ATP5F1E: variants seen among roughly 807,000 people sequenced by gnomAD.
ATP5F1E encodes ATP synthase F(1) complex subunit epsilon, mitochondrial.
ATP5F1E carries 5 observed loss-of-function variants against 7.0 expected under a neutral mutation model. The ratio of observed to expected loss-of-function variants is 0.71; its 90% CI spans 0.37 to 1.49. The LOEUF is 1.49. ATP5F1E is among the 40% of genes most tolerant of loss of function. ATP5F1E has a pLI of 0.03. For missense variants in ATP5F1E, 59 were observed against 57.1 expected (o/e 1.03, Z -0.11); for synonymous variants, 20 against 20.1 (o/e 0.99, Z 0.02).
chr20:59,030,376 G>A lies in ATP5F1E; in HGVS notation c.86C>T (p.Thr29Ile). 6.2e-7 allele frequency: 1 copy of A among 1,613,872 alleles called. No individual in the cohort carries two copies. The highest frequency in any genetic ancestry group is 8.5e-7 in the Non-Finnish European group (1 of 1,179,890). The stretch of plus-strand genomic sequence containing the variant: ...CTTCTCAGCATTTGCTTTGAATTCT[G>A]TCTTCAGTGCATCTCTCACTGCTTT... ...CAKAVRDALK[T>I]EFKANAEKTS... The change falls in exon 2 of 3, where the codon ACA (threonine) becomes ATA (isoleucine). Residue 29 changes from threonine (T) to isoleucine (I), a missense_variant. Thr to Ile is a moderately conservative substitution (Grantham distance 89). Transcript: ENST00000243997.
chr20:59,030,151 C>T, intron 2 of ATP5F1E, 152 bp downstream of exon 2: 2 of 1,006,996 alleles, frequency 2.0e-6, no homozygotes. Context: ...ACTTCTATAA[C>T]CTGCATGCTT....
intron 1 of ATP5F1E, among the ~76,000 whole-genome samples, chr20:59,031,395 C>T (rs1014632124): frequency 6.6e-6 from 1 of 152,230 alleles, no homozygotes; most frequent in African/African-American, 2.4e-5. Flanking sequence ...GACTATCATC[C>T]TTCCATCCTT....
At chr20:59,030,005 T>C in intron 2 of ATP5F1E, 1 of 353,694 alleles carries the variant, frequency 2.8e-6, no homozygotes, top group East Asian at 7.3e-5. Flanking sequence ...ATTTGATTTG[T>C]GCAGACAAAT....
chr20:59,030,138 G>T, intron 2 of ATP5F1E, 165 bp downstream of exon 2: 1 of 797,456 alleles, frequency 1.3e-6, no homozygotes, highest in Non-Finnish European at 1.9e-6. Context: ...ATTAGGCCAG[G>T]GGACTTCTAT....
chr20:59,030,396 T>G lies in ATP5F1E; in HGVS notation c.66A>C (p.Ala22=), dbSNP rs200516939. 25 of 1,613,942 alleles carry G rather than the reference T, an allele frequency of 1.5e-5. No individual in the cohort carries two copies. In the East Asian group the frequency reaches 2.9e-4, roughly 19 times the overall value. The change falls in exon 2 of 3, where the codon GCA becomes GCC. Residue 22 remains alanine (A), a synonymous_variant. Transcript: ENST00000243997. ...YIRYSQICAK[A]VRDALKTEFK... Reference sequence around the variant, plus strand: ...ATTCTGTCTTCAGTGCATCTCTCACTGCTTTTGCACAGATCTGGGAGTATC... The same window carrying G: ...ATTCTGTCTTCAGTGCATCTCTCACGGCTTTTGCACAGATCTGGGAGTATC...
In ATP5F1E at chr20:59,032,316, G is replaced by A. The variant is rs1380756867; in HGVS notation, c.-65C>T. On this transcript the variant is annotated 5_prime_UTR_variant, in exon 1 of 3. Transcript: ENST00000243997. ...GACGCCGGCAATGTCGGCTCAGCCG[G>A]GCGGTTCAGCCGCAGGAAGATCAGA... The A allele has an allele frequency of 3.8e-6, 6 of 1,564,910 alleles. No individual in the cohort carries two copies. Among genetic ancestry groups the A allele is most frequent in the Admixed American group, 3.8e-5 (2 of 52,662 alleles).
At position 59,030,319 on chromosome 20, in the gene ATP5F1E, A is replaced by ACTTACAGATTATTCCTTTATTATT. The variant is rs1337330706; in HGVS notation, c.142_143insAATAATAAAGGAATAATCTGTAAG (p.Lys47_Val48insGluTer). Reference sequence around the variant, plus strand: ...ATAACTTACAGATTATTCCTTCTTTACTTTCACAATTTTTACGTTGCTGCC... The same window carrying ACTTACAGATTATTCCTTTATTATT: ...ATAACTTACAGATTATTCCTTCTTTACTTACAGATTATTCCTTTATTATTCTTTCACAATTTTTACGTTGCTGCC... On this transcript the variant is annotated stop_gained, in exon 2 of 3. Transcript: ENST00000243997. LOFTEE classifies it high-confidence loss of function. 6.2e-7 allele frequency: 1 copy of ACTTACAGATTATTCCTTTATTATT among 1,613,740 alleles called. No individual in the cohort carries two copies. The highest frequency in any genetic ancestry group is 2.2e-5 in the East Asian group (1 of 44,816).
intron 2 of ATP5F1E, chr20:59,029,263 T>C (rs2092010562): frequency 6.6e-6 from 1 of 152,210 alleles, no homozygotes; most frequent in Non-Finnish European, 1.5e-5. Context: ...AATGATTTTC[T>C]GTTAGCTTAC....
rs1301912249 is a variant in ATP5F1E at position 59,032,307 on chromosome 20, G to C, written c.-56C>G. 2 of 1,572,294 alleles carry C rather than the reference G, an allele frequency of 1.3e-6. No homozygotes were observed. Among genetic ancestry groups the C allele is most frequent in the African/African-American group, 1.3e-5 (1 of 74,314 alleles). ...AATCGCCAAGACGCCGGCAATGTCG[G>C]CTCAGCCGGGCGGTTCAGCCGCAGG... On this transcript the variant is annotated 5_prime_UTR_variant, in exon 1 of 3. Coordinates refer to ENST00000243997, the MANE Select transcript of ATP5F1E (RefSeq NM_006886.4).
chr20:59,030,514 T>C (rs2092020545), intron 1 of ATP5F1E, 85 bp from the exon 2 acceptor site: 1 of 1,549,774 alleles, frequency 6.5e-7, no homozygotes, highest in Non-Finnish European at 8.9e-7. Flanking sequence ...TTTCTTCCTG[T>C]ACTTTTTATT....
chr20:59,030,317 T>C lies in ATP5F1E; in HGVS notation c.145A>G (p.Lys49Glu), dbSNP rs1488251867. Reference protein sequence around the residue: ...SGSNVKIVKVKKE With the variant: ...SGSNVKIVKVEKE Reference sequence around the variant, plus strand: ...CCATAACTTACAGATTATTCCTTCTTTACTTTCACAATTTTTACGTTGCTG... The same window carrying C: ...CCATAACTTACAGATTATTCCTTCTCTACTTTCACAATTTTTACGTTGCTG... The change falls in exon 2 of 3, where the codon AAG becomes GAG. Residue 49 changes from lysine (K) to glutamate (E), a missense_variant. Transcript: ENST00000243997. The C allele has an allele frequency of 6.2e-7, 1 of 1,613,802 alleles. No individual in the cohort carries two copies. The highest frequency in any genetic ancestry group is 2.2e-5 in the East Asian group (1 of 44,824).
At chr20:59,029,118 C>G (rs1016507835) in intron 2 of ATP5F1E, 1 of 152,186 alleles carries the variant, frequency 6.6e-6, no homozygotes, top group Admixed American at 6.5e-5. Context: ...GAGGTGGGGT[C>G]TGTAACCCTG....
At position 59,032,329 on chromosome 20, in the gene ATP5F1E, C is replaced by G. The variant is rs2092038598; in HGVS notation, c.-78G>C. 1 of 1,543,556 alleles carries G rather than the reference C, an allele frequency of 6.5e-7. No homozygotes were observed. Among genetic ancestry groups the G allele is most frequent in the Admixed American group, 1.9e-5 (1 of 51,646 alleles). On this transcript the variant is annotated 5_prime_UTR_variant, in exon 1 of 3. Transcript: ENST00000243997. ...TCGGCTCAGCCGGGCGGTTCAGCCG[C>G]AGGAAGATCAGACCACAGAAGCGGA... is the stretch of plus-strand genomic sequence containing the variant.
intron 2 of ATP5F1E, chr20:59,030,096 T>C: frequency 4.3e-6 from 2 of 464,908 alleles, no homozygotes; most frequent in Non-Finnish European, 7.6e-6. Context: ...CAATTACTTC[T>C]GCTTGTCAGG....
chr20:59,031,958 A>G (rs1369613001), intron 1 of ATP5F1E, among the ~76,000 whole-genome samples: 1 of 152,256 alleles, frequency 6.6e-6, no homozygotes, highest in African/African-American at 2.4e-5. Context: ...GCCATTCACA[A>G]AGGTGTCCAG....
rs952018908 is a variant in ATP5F1E at position 59,027,148 on chromosome 20, T to G, written c.*1697A>C. 1.3e-5 allele frequency: 2 copies of G among 152,234 alleles called. No homozygotes were observed. Among genetic ancestry groups the G allele is most frequent in the African/African-American group, 4.8e-5 (2 of 41,446 alleles). The allele number at this position is 152,234 out of a possible 1,614,324, so 9.4% of individuals were successfully genotyped here. A position where few individuals can be genotyped will look rare whatever the true frequency, so the allele number is the denominator to read the frequency against. On this transcript the variant is annotated 3_prime_UTR_variant, in exon 3 of 3. Transcript: ENST00000243997. ...CTCAGTGACTTCACTCCTTTCCATA[T>G]CACAAGCCCTGTCCCTAAGTCTCAC...
rs6026648 is a variant in ATP5F1E at position 59,032,243 on chromosome 20, G to A, written c.9C>T (p.Ala3=). 3.7e-6 allele frequency: 6 copies of A among 1,600,820 alleles called. No individual in the cohort carries two copies. The highest frequency in any genetic ancestry group is 1.3e-5 in the African/African-American group (1 of 74,822). Residue 3 remains alanine, a synonymous_variant, in exon 1 of 3, where the codon GCC becomes GCT. Coordinates refer to ENST00000243997, the MANE Select transcript of ATP5F1E (RefSeq NM_006886.4). The part of the protein sequence containing the change: MV[A]YWRQAGLSYI... The stretch of plus-strand genomic sequence containing the variant: ...ACCTGAGTCCAGCCTGTCTCCAGTA[G>A]GCCACCATGCTGTAGCGAAAGCGGA...
chr20:59,032,240 G>A lies in ATP5F1E; in HGVS notation c.12C>T (p.Tyr4=), dbSNP rs770993875. 10 of 1,599,674 alleles carry A rather than the reference G, an allele frequency of 6.3e-6. No individual in the cohort carries two copies. Among genetic ancestry groups the A allele is most frequent in the Admixed American group, 3.4e-5 (2 of 58,084 alleles). The change falls in exon 1 of 3, where the codon TAC becomes TAT. Residue 4 remains tyrosine (Y), a synonymous_variant. Transcript: ENST00000243997. ...CCTACCTGAGTCCAGCCTGTCTCCA[G>A]TAGGCCACCATGCTGTAGCGAAAGC... The part of the protein sequence containing the change: MVA[Y]WRQAGLSYIR...
intron 1 of ATP5F1E, among the ~76,000 whole-genome samples, chr20:59,031,212 G>A (rs2092026038): frequency 6.6e-6 from 1 of 152,050 alleles, no homozygotes; most frequent in East Asian, 1.9e-4. Context: ...TTACTAACTG[G>A]GTGACCTTCA....
Sources: allele counts gnomAD v4.1 joint callset (sites outside exome capture counted in the v4.1 genomes callset), GRCh38; gene constraint gnomAD v4.1.1; transcripts MANE v1.5; gene names NCBI Gene and HGNC (gene_info 2026-07-23, HGNC 2026-07-21).